Variants in KCNMB1 observed in about 807,000 individuals in gnomAD.
The protein encoded by KCNMB1 is calcium-activated potassium channel subunit beta-1.
Under a neutral mutation model 21.7 loss-of-function variants are expected in KCNMB1, and 22 were observed. The observed-to-expected ratio is 1.01, with a 90% confidence interval of 0.72 to 1.45. The LOEUF is 1.45. Among genes scored for constraint, KCNMB1 ranks in the 40% most tolerant of loss-of-function variants. The pLI is 0.00. For missense variants in KCNMB1, 243 were observed against 243.4 expected, an observed-to-expected ratio of 1.00 and a Z score of 0.01; for synonymous variants, 114 against 107.6, an observed-to-expected ratio of 1.06 and a Z score of -0.37.
chr5:170,379,122 C>G, intron 3 of KCNMB1, 149 bp from the exon 4 acceptor site: 1 of 906,180 alleles, frequency 1.1e-6, no homozygotes, highest in Non-Finnish European at 1.6e-6. Context: ...AGGCCATGCG[C>G]TGTACAGGTC....
chr5:170,383,589 T>C, intron 3 of KCNMB1, 90 bp downstream of exon 3: 1 of 1,447,340 alleles, frequency 6.9e-7, no homozygotes, highest in South Asian at 1.2e-5. Flanking sequence ...GGGTTGATCT[T>C]TCTCAGCCTC....
Position 170,376,339 on chromosome 5 carries a change from T to C in KCNMB1, c.*2365A>G, listed in dbSNP as rs963674099. 6.6e-6 allele frequency: 1 copy of C among 151,828 alleles called. No homozygotes were observed. Among genetic ancestry groups the C allele is most frequent in the Non-Finnish European group, 1.5e-5 (1 of 67,956 alleles). 9.4% of individuals were successfully genotyped at this position (151,828 alleles called of 1,614,324 possible). On this transcript the variant is annotated 3_prime_UTR_variant, in exon 4 of 4. Transcript: ENST00000274629. ...CCACGCCCGGCTATGATTTTTTCTA[T>C]TTTTTAGTAGAGACAGGGTTTCACC...
rs374179746 is a variant in KCNMB1 at position 170,378,854 on chromosome 5, G to A, written c.426C>T (p.Asn142=). Residue 142 remains asparagine (N), a synonymous_variant, in exon 4 of 4, where the codon AAC becomes AAT. Transcript: ENST00000274629. ...VFYCFSAPRG[N]ETSVLFQRLY... ...GGCGCTGGAATAGGACGCTGGTTTC[G>A]TTCCCCCGAGGTGCGGAGAAGCAGT... 6.0e-5 allele frequency: 97 copies of A among 1,614,250 alleles called. No individual in the cohort carries two copies. The highest frequency in any genetic ancestry group is 3.0e-4 in the South Asian group (27 of 91,084).
In KCNMB1 at chr5:170,375,959, A is replaced by T. The variant is rs1763984973; in HGVS notation, c.*2745T>A. ...TTTGAACCCAAACAGTGCACATCCC[A>T]AGTCCACATACTTAGCCACTGTCCT... On this transcript the variant is annotated 3_prime_UTR_variant, in exon 4 of 4. Coordinates refer to ENST00000274629, the MANE Select transcript of KCNMB1 (RefSeq NM_004137.4). 6.6e-6 allele frequency: 1 copy of T among 152,166 alleles called. No individual in the cohort carries two copies. The highest frequency in any genetic ancestry group is 2.4e-5 in the African/African-American group (1 of 41,438). 9.4% of individuals were successfully genotyped at this position (152,166 alleles called of 1,614,324 possible).
intron 2 of KCNMB1, 63 bp downstream of exon 2, chr5:170,385,251 C>T (rs1764416762): frequency 1.3e-6 from 2 of 1,585,990 alleles, no homozygotes; most frequent in South Asian, 2.2e-5. Flanking sequence ...GGCCAGGGTT[C>T]CTTACAGATG....
chr5:170,385,520 G>A (rs2113346471), intron 1 of KCNMB1, 49 bp from the exon 2 acceptor site: 2 of 1,557,194 alleles, frequency 1.3e-6, no homozygotes, highest in South Asian at 1.1e-5. Context: ...GTTCACAGGT[G>A]ATCCACAGAA....
rs1371437560 is a variant in KCNMB1, at chr5:170,378,645, C to T, written c.*59G>A. ...CATTGTGCTGCAAGTGGGGAGCAGC[C>T]CTGGGGGCCCAGCCAGTCCCCTGTG... On this transcript the variant is annotated 3_prime_UTR_variant, in exon 4 of 4. Transcript: ENST00000274629. 2 of 1,529,828 alleles carry T rather than the reference C, an allele frequency of 1.3e-6. No individual in the cohort carries two copies. Among genetic ancestry groups the T allele is most frequent in the Non-Finnish European group, 1.8e-6 (2 of 1,139,812 alleles). 94.8% of individuals were successfully genotyped at this position (1,529,828 alleles called of 1,614,324 possible). A position where few individuals can be genotyped will look rare whatever the true frequency, so the allele number is the denominator to read the frequency against.
rs1457453346 is a variant in KCNMB1, at chr5:170,375,533, TCCCTCAGCCCTTCACAGCTGGCTCTGC to T, written c.*3144_*3170del. 1.3e-3 allele frequency: 193 copies of T among 153,332 alleles called. 1 individual carries two copies. Among genetic ancestry groups the T allele is most frequent in the Non-Finnish European group, 1.7e-3 (115 of 68,948 alleles). 9.5% of individuals were successfully genotyped at this position (153,332 alleles called of 1,614,324 possible). A position where few individuals can be genotyped will look rare whatever the true frequency, so the allele number is the denominator to read the frequency against. ...GCCCCTGTGGCTTTGAGTGGCTGTG[TCCCTCAGCCCTTCACAGCTGGCTCTGC>T]CCCTCAGCCCTTCACAGCTGGCTCT... On this transcript the variant is annotated 3_prime_UTR_variant, in exon 4 of 4. Transcript: ENST00000274629.
At chr5:170,385,825 A>C (rs1378531028) in intron 1 of KCNMB1, among the ~76,000 whole-genome samples, 1 of 152,110 alleles carries the variant, frequency 6.6e-6, no homozygotes, top group East Asian at 1.9e-4. Context: ...TGATTAAGAT[A>C]AAGGCTCTTG....
In KCNMB1 at chr5:170,378,755, GATA is replaced by G. The variant is rs1764111560; in HGVS notation, c.522_524del (p.Ile175del). 6.2e-7 allele frequency: 1 copy of G among 1,614,178 alleles called. No homozygotes were observed. Among genetic ancestry groups the G allele is most frequent in the Non-Finnish European group, 8.5e-7 (1 of 1,180,028 alleles). ...GGTACTGGTTGCTCTTCACCATGGC[GATA>G]ATGAGGAGGCCACCGGTCAGCAGGA... is the stretch of plus-strand genomic sequence containing the variant. On this transcript the variant is annotated inframe_deletion, in exon 4 of 4. Transcript: ENST00000274629.
chr5:170,387,150 A>G (rs1416088029), intron 1 of KCNMB1, among the ~76,000 whole-genome samples: 1 of 152,194 alleles, frequency 6.6e-6, no homozygotes, highest in Non-Finnish European at 1.5e-5. Context: ...AATACCAGGA[A>G]GCTATCAATG....
Position 170,378,700 on chromosome 5 carries a change from G to A in KCNMB1, c.*4C>T, listed in dbSNP as rs961858920. On this transcript the variant is annotated 3_prime_UTR_variant, in exon 4 of 4. Coordinates refer to ENST00000274629, the MANE Select transcript of KCNMB1 (RefSeq NM_004137.4). ...GACAAGTGGTATGGCATGGATGGAT[G>A]GCTCTACTTCTGGGCCGCCAGGATG... 6.2e-7 allele frequency: 1 copy of A among 1,604,544 alleles called. No individual in the cohort carries two copies. Among genetic ancestry groups the A allele is most frequent in the Non-Finnish European group, 8.5e-7 (1 of 1,175,610 alleles).
Position 170,377,559 on chromosome 5 carries a change from T to G in KCNMB1, c.*1145A>C, listed in dbSNP as rs968963175. 1 of 150,368 alleles carries G rather than the reference T, an allele frequency of 6.7e-6. No individual in the cohort carries two copies. Among genetic ancestry groups the G allele is most frequent in the Non-Finnish European group, 1.5e-5 (1 of 67,744 alleles). 9.3% of individuals were successfully genotyped at this position (150,368 alleles called of 1,614,324 possible). The stretch of plus-strand genomic sequence containing the variant: ...TATCATGACCTTTCCTCCAGAGGGT[T>G]GTTTTTCATTTTTTGTTTTTTGTTT... On this transcript the variant is annotated 3_prime_UTR_variant, in exon 4 of 4. Coordinates refer to ENST00000274629, the MANE Select transcript of KCNMB1 (RefSeq NM_004137.4).
At chr5:170,388,526 A>G in intron 1 of KCNMB1, among the ~76,000 whole-genome samples, 1 of 152,226 alleles carries the variant, frequency 6.6e-6, no homozygotes, top group Non-Finnish European at 1.5e-5. Flanking sequence ...CCCATTTAGA[A>G]AGGTCACTTG....
chr5:170,385,452 A>T lies in KCNMB1; in HGVS notation c.-5T>A. Reference sequence around the variant, plus strand: ...CATCACCAGCTTCTTCACCATATTCACTGGGGGCAGTGATCATTTCTAGGT... The same window carrying T: ...CATCACCAGCTTCTTCACCATATTCTCTGGGGGCAGTGATCATTTCTAGGT... On this transcript the variant is annotated 5_prime_UTR_variant, in exon 2 of 4. Coordinates refer to ENST00000274629, the MANE Select transcript of KCNMB1 (RefSeq NM_004137.4). 1 of 1,613,990 alleles carries T rather than the reference A, an allele frequency of 6.2e-7. No individual in the cohort carries two copies. The highest frequency in any genetic ancestry group is 1.3e-5 in the African/African-American group (1 of 74,968).
rs771280031 is a variant in KCNMB1 at position 170,383,753 on chromosome 5, A to G, written c.232T>C (p.Trp78Arg). The G allele has an allele frequency of 7.4e-6, 12 of 1,614,060 alleles. No individual in the cohort carries two copies. Among genetic ancestry groups the G allele is most frequent in the Middle Eastern group, 1.6e-4 (1 of 6,084 alleles). ...CTGCCGGCAGCTGACACGTTGACCC[A>G]CAGGCATGGGTACTGGGGCACCTTC... ...GKKVPQYPCL[W>R]VNVSAAGRWA... Residue 78 changes from tryptophan to arginine, a missense_variant, in exon 3 of 4, where the codon TGG becomes CGG. Coordinates refer to ENST00000274629, the MANE Select transcript of KCNMB1 (RefSeq NM_004137.4).
intron 3 of KCNMB1, among the ~76,000 whole-genome samples, chr5:170,379,955 A>G (rs1024355508): frequency 1.3e-5 from 2 of 152,012 alleles, no homozygotes; most frequent in Non-Finnish European, 2.9e-5. Context: ...CCATTTCAAA[A>G]AAAAAAAAAA....
In KCNMB1 at chr5:170,377,615, C is replaced by G. The variant is rs931984462; in HGVS notation, c.*1089G>C. 6.6e-6 allele frequency: 1 copy of G among 151,826 alleles called. No homozygotes were observed. The highest frequency in any genetic ancestry group is 1.5e-5 in the Non-Finnish European group (1 of 68,020). The allele number at this position is 151,826 out of a possible 1,614,324, so 9.4% of individuals were successfully genotyped here. Reference sequence around the variant, plus strand: ...TTGAGACGGAGTCTTGTTCTATCACCAGGCTGGAGTGCAGTGGCACAATCT... The same window carrying G: ...TTGAGACGGAGTCTTGTTCTATCACGAGGCTGGAGTGCAGTGGCACAATCT... On this transcript the variant is annotated 3_prime_UTR_variant, in exon 4 of 4. Transcript: ENST00000274629.
Position 170,378,568 on chromosome 5 carries a change from A to G in KCNMB1, c.*136T>C. On this transcript the variant is annotated 3_prime_UTR_variant, in exon 4 of 4. Transcript: ENST00000274629. ...GGATTTCTCAAAGGTTAGTCCTGCA[A>G]CAGAAGACAGCGTGGATTGGACTGG... The G allele has an allele frequency of 1.1e-6, 1 of 945,636 alleles. No homozygotes were observed. Among genetic ancestry groups the G allele is most frequent in the South Asian group, 1.6e-5 (1 of 62,216 alleles). 58.6% of individuals were successfully genotyped at this position (945,636 alleles called of 1,614,324 possible). A position where few individuals can be genotyped will look rare whatever the true frequency, so the allele number is the denominator to read the frequency against.
Sources: gnomAD v4.1 joint callset for allele counts (sites outside exome capture counted in the v4.1 genomes callset) on GRCh38, gnomAD v4.1.1 for gene constraint, MANE v1.5 for transcripts, NCBI Gene and HGNC (gene_info 2026-07-23, HGNC 2026-07-21) for gene names.